UNC13B: variants seen among roughly 807,000 people sequenced by gnomAD.
UNC13B encodes the protein unc-13 homolog B.
UNC13B carries 144 observed loss-of-function variants against 211.0 expected under a neutral mutation model. That is an observed-to-expected ratio of 0.68 (90% CI 0.60 to 0.78). The LOEUF (loss-of-function observed/expected upper bound fraction) is 0.78, where lower values mean the gene tolerates loss of function less well. UNC13B is among the 30% of genes least tolerant of loss of function. The probability of loss-of-function intolerance (pLI) is 0.00; values close to 1 mark genes in which losing one functional copy is unlikely to be tolerated. For missense variants in UNC13B, 1,777 were observed against 2,002.0 expected (o/e 0.89, Z 2.14); for synonymous variants, 709 against 725.8 (o/e 0.98, Z 0.37).
At chr9:35,228,311 A>C (rs943639716) in intron 2 of UNC13B, among the ~76,000 whole-genome samples, 4 of 152,182 alleles carry the variant, frequency 2.6e-5, no homozygotes, top group African/African-American at 9.7e-5. Context: ...AATAGTGTAA[A>C]AGGATAAATA....
chr9:35,188,235 G>C (rs186117342), intron 1 of UNC13B, among the ~76,000 whole-genome samples: 242 of 152,118 alleles, frequency 1.6e-3, no homozygotes, highest in African/African-American at 5.5e-3. Flanking sequence ...ACTCACATTT[G>C]AGAACACCTG....
At chr9:35,362,428 T>C (rs1833481575) in intron 11 of UNC13B, among the ~76,000 whole-genome samples, 2 of 152,188 alleles carry the variant, frequency 1.3e-5, no homozygotes, top group African/African-American at 4.8e-5. Context: ...GAAGGTTAGG[T>C]ATAACTCCTT....
rs941972222 is a variant in UNC13B at position 35,163,283 on chromosome 9, A to G, written c.22+978A>G. On this transcript the variant is annotated intron_variant, in intron 1 of 39. Transcript: ENST00000635942. ...CTTTACCTGATATCTTTTACTGGAG[A>G]GTTCATATTTCTTTTGGCTCTACAG... Among the ~76,000 whole-genome samples, 12 of 152,068 alleles carry G rather than the reference A, an allele frequency of 7.9e-5. No homozygotes were observed. In the East Asian group the frequency reaches 1.9e-3, roughly 24 times the overall value.
At chr9:35,316,985 T>G (rs1171959458) in intron 11 of UNC13B, among the ~76,000 whole-genome samples, 1 of 152,210 alleles carries the variant, frequency 6.6e-6, no homozygotes, top group African/African-American at 2.4e-5. Context: ...AAAAAATTTT[T>G]GTTAATAAAC....
chr9:35,313,087 A>C (rs1342772582), intron 10 of UNC13B, among the ~76,000 whole-genome samples: 2 of 152,168 alleles, frequency 1.3e-5, no homozygotes, highest in Non-Finnish European at 2.9e-5. Flanking sequence ...AGGGGTTGAA[A>C]GGCTTATTCC....
At chr9:35,257,622 C>T (rs1426677961) in intron 6 of UNC13B, among the ~76,000 whole-genome samples, 2 of 107,656 alleles carry the variant, frequency 1.9e-5, no homozygotes, top group Non-Finnish European at 1.9e-5. Flanking sequence ...ATGTTTTGAA[C>T]ATTTTTGTGA....
intron 11 of UNC13B, among the ~76,000 whole-genome samples, chr9:35,342,750 G>C (rs1832085338): frequency 6.6e-6 from 1 of 152,122 alleles, no homozygotes; most frequent in Non-Finnish European, 1.5e-5. Flanking sequence ...TTGCATATAT[G>C]AATATGCAAA....
chr9:35,276,787 T>A (rs1391799699), intron 7 of UNC13B, among the ~76,000 whole-genome samples: 2 of 152,198 alleles, frequency 1.3e-5, no homozygotes, highest in African/African-American at 2.4e-5. Context: ...TTTTTATTTT[T>A]AAAAAATGAG....
intron 1 of UNC13B, among the ~76,000 whole-genome samples, chr9:35,217,545 C>G (rs1038767412): frequency 1.3e-5 from 2 of 151,954 alleles, no homozygotes; most frequent in Admixed American, 1.3e-4. Context: ...CGTGCCACCA[C>G]GTCCGGCTAA....
intron 11 of UNC13B, chr9:35,353,232 C>G (rs1587681725): frequency 1.6e-6 from 2 of 1,232,128 alleles, no homozygotes; most frequent in African/African-American, 3.1e-5. Flanking sequence ...CTGGGTGGCT[C>G]TCAGGAGGAT....
chr9:35,278,557 T>G (rs541577386), intron 7 of UNC13B, among the ~76,000 whole-genome samples: 2 of 152,002 alleles, frequency 1.3e-5, no homozygotes, highest in Non-Finnish European at 2.9e-5. Context: ...CCAGAAGGCA[T>G]AGGTCCCCAG....
intron 1 of UNC13B, among the ~76,000 whole-genome samples, chr9:35,214,917 T>C (rs567568176): frequency 3.3e-5 from 5 of 152,346 alleles, no homozygotes; most frequent in African/African-American, 1.2e-4. Flanking sequence ...AAGGGATTTT[T>C]CTTTCTCCAC....
At chr9:35,175,069 G>T (rs1821550604) in intron 1 of UNC13B, among the ~76,000 whole-genome samples, 2 of 152,256 alleles carry the variant, frequency 1.3e-5, no homozygotes, top group Admixed American at 6.5e-5. Flanking sequence ...AAAGTGCTGG[G>T]ATTACAGGCG....
intron 7 of UNC13B, among the ~76,000 whole-genome samples, chr9:35,259,253 G>A (rs973249420): frequency 6.6e-6 from 1 of 152,122 alleles, no homozygotes; most frequent in Non-Finnish European, 1.5e-5. Context: ...TTTGTATGGG[G>A]GGAGTAGGGC....
intron 11 of UNC13B, among the ~76,000 whole-genome samples, chr9:35,354,525 A>C (rs970709711): frequency 6.6e-6 from 1 of 152,204 alleles, no homozygotes; most frequent in African/African-American, 2.4e-5. Context: ...GCTCACCTGC[A>C]AGCTGGCAAA....
At chr9:35,231,357 A>G in intron 3 of UNC13B, 138 bp downstream of exon 3, 1 of 574,810 alleles carries the variant, frequency 1.7e-6, no homozygotes, top group Non-Finnish European at 3.0e-6. Context: ...ACTGTTTTGA[A>G]AACTGTGGAG....
Position 35,305,011 on chromosome 9 carries a change from A to C in UNC13B, c.5607A>C (p.Lys1869Asn), listed in dbSNP as rs2131839308. 5.0e-6 allele frequency: 2 copies of C among 398,976 alleles called. No homozygotes were observed. The highest frequency in any genetic ancestry group is 1.3e-4 in the South Asian group (1 of 7,854). The allele number at this position is 398,976 out of a possible 1,614,324, so 24.7% of individuals were successfully genotyped here. A position where few individuals can be genotyped will look rare whatever the true frequency, so the allele number is the denominator to read the frequency against. Residue 1869 changes from lysine (K) to asparagine (N), a missense_variant, in exon 9 of 40, where the codon AAA becomes AAC. Transcript: ENST00000635942. Reference sequence around the variant, plus strand: ...TAAGCCAAACAACTCCTCAGGCTAAATCAGGTGTAAAAGATGATGAAATCA... The same window carrying C: ...TAAGCCAAACAACTCCTCAGGCTAACTCAGGTGTAAAAGATGATGAAATCA... Reference protein sequence around the residue: ...FQVSQTTPQAKSGVKDDEIIT... With the variant: ...FQVSQTTPQANSGVKDDEIIT...
chr9:35,247,392 T>G (rs1001499785), intron 6 of UNC13B, among the ~76,000 whole-genome samples: 2 of 152,200 alleles, frequency 1.3e-5, no homozygotes, highest in South Asian at 2.1e-4. Flanking sequence ...AACGCTATGT[T>G]GAATAGGAGT....
In UNC13B at chr9:35,399,410, A is replaced by G. The variant is rs775788909; in HGVS notation, c.12217A>G (p.Thr4073Ala). 4 of 1,613,818 alleles carry G rather than the reference A, an allele frequency of 2.5e-6. No homozygotes were observed. In the African/African-American group the frequency reaches 5.3e-5, roughly 22 times the overall value. Residue 4073 changes from threonine to alanine, a missense_variant, in exon 35 of 40, where the codon ACT (threonine) becomes GCT (alanine). Transcript: ENST00000635942. ...TDQTGTQLIF[T>A]AAKELSHLSK... The stretch of plus-strand genomic sequence containing the variant: ...TGCCCAGGGCACCCAGCTGATCTTC[A>G]CTGCTGCCAAGGAGCTGAGCCATCT...
Sources: gnomAD v4.1 joint callset for allele counts (sites outside exome capture counted in the v4.1 genomes callset) on GRCh38, gnomAD v4.1.1 for gene constraint, MANE v1.5 for transcripts, NCBI Gene and HGNC (gene_info 2026-07-23, HGNC 2026-07-21) for gene names.